The following NFKBIE variants were observed in gnomAD, a reference collection of about 807,000 sequenced individuals.
NFKBIE encodes NFKB inhibitor epsilon.
A neutral mutation model predicts 31.6 loss-of-function variants in NFKBIE; 11 were observed. That is an observed-to-expected ratio of 0.35 (90% CI 0.22 to 0.58). NFKBIE has a LOEUF of 0.58. Among genes scored for constraint, NFKBIE ranks in the 20% least tolerant of loss-of-function variants. The pLI is 0.83. For missense variants in NFKBIE, 354 were observed against 465.7 expected, an observed-to-expected ratio of 0.76 and a Z score of 2.21; for synonymous variants, 208 against 210.1, an observed-to-expected ratio of 0.99 and a Z score of 0.09.
intron 1 of NFKBIE, among the ~76,000 whole-genome samples, 157 bp downstream of exon 1, chr6:44,264,825 C>A (rs1782056726): frequency 6.6e-6 from 1 of 152,218 alleles, no homozygotes; most frequent in African/African-American, 2.4e-5. Context: ...CATGGCCTAG[C>A]TGGACCTCAA....
rs984686720 is a variant in NFKBIE, at chr6:44,263,939, G to A, written c.365+1043C>T. On this transcript the variant is annotated intron_variant, in intron 1 of 5. Transcript: ENST00000619360. The surrounding 1 kb of genome is among the most constrained non-coding windows in gnomAD (Gnocchi z 5.0). ...TCTTGCGTGCAGCCCCCAAAACCTTGGGGTTCTGGGCCTGAGGGCTGGTGA... is the reference window on the plus strand; with the variant it reads ...TCTTGCGTGCAGCCCCCAAAACCTTAGGGTTCTGGGCCTGAGGGCTGGTGA... 2.6e-5 allele frequency among the ~76,000 whole-genome samples: 4 copies of A among 152,132 alleles called. No individual in the cohort carries two copies. The highest frequency in any genetic ancestry group is 4.4e-5 in the Non-Finnish European group (3 of 68,018).
chr6:44,259,985 G>C (rs951239750), intron 5 of NFKBIE, 58 bp downstream of exon 5: 37 of 1,579,666 alleles, frequency 2.3e-5, no homozygotes, highest in Non-Finnish European at 2.9e-5. Context: ...GCTAATGACA[G>C]AACCTCTCTC....
Position 44,260,838 on chromosome 6 carries a change from CACACACACACACACACATACAG to C in NFKBIE, c.692-321_692-300del, listed in dbSNP as rs1305843739. Among the ~76,000 whole-genome samples, 269 of 82,446 alleles carry C rather than the reference CACACACACACACACACATACAG, an allele frequency of 3.3e-3. 1 individual carries two copies. The highest frequency in any genetic ancestry group is 0.011 in the African/African-American group (250 of 23,024). 54.1% of individuals were successfully genotyped at this position (82,446 alleles called of 152,430 possible). On this transcript the variant is annotated intron_variant, in intron 3 of 5. Transcript: ENST00000619360. This position sits in a 1 kb window ranked among gnomAD's most constrained non-coding sequence, Gnocchi z 5.5. ...ATACACAAACTACAACACACACACA[CACACACACACACACACATACAG>C]ACACACACACACACACACACACACA...
In NFKBIE at chr6:44,262,652, G is replaced by A. The variant is rs761768014; in HGVS notation, c.376C>T (p.Leu126=). Residue 126 remains leucine, a synonymous_variant, in exon 2 of 6, where the codon CTG becomes TTG. Coordinates refer to ENST00000619360, the MANE Select transcript of NFKBIE (RefSeq NM_004556.3). ...ISEDGDTLVH[L]AVIHEAPAVL... is the part of the protein sequence containing the mutation. The stretch of plus-strand genomic sequence containing the variant: ...GCTGGGGCCTCATGAATCACTGCCA[G>A]GTGGACCAGCCTAGGGGAGCAGAGG... The A allele has an allele frequency of 8.1e-6, 13 of 1,614,068 alleles. No individual in the cohort carries two copies. The highest frequency in any genetic ancestry group is 1.1e-5 in the Non-Finnish European group (13 of 1,179,912).
At position 44,260,864 on chromosome 6, in the gene NFKBIE, C is replaced by CACACACATACAG. The variant is rs1554142189; in HGVS notation, c.692-326_692-325insCTGTATGTGTGT. On this transcript the variant is annotated intron_variant, in intron 3 of 5. Transcript: ENST00000619360. The surrounding 1 kb of genome is among the most constrained non-coding windows in gnomAD (Gnocchi z 5.5). ...ACACACACACACACACATACAGACA[C>CACACACATACAG]ACACACACACACACACACACACACA... is the stretch of plus-strand genomic sequence containing the variant. 0.026 allele frequency among the ~76,000 whole-genome samples: 2,760 copies of CACACACATACAG among 106,570 alleles called. 28 individuals carry two copies. Among genetic ancestry groups the CACACACATACAG allele is most frequent in the Middle Eastern group, 0.051 (10 of 196 alleles). 69.9% of individuals were successfully genotyped at this position (106,570 alleles called of 152,430 possible). A position where few individuals can be genotyped will look rare whatever the true frequency, so the allele number is the denominator to read the frequency against.
In NFKBIE at chr6:44,261,303, T is replaced by C. The variant is rs1285892037; in HGVS notation, c.691+323A>G. 6.6e-6 allele frequency among the ~76,000 whole-genome samples: 1 copy of C among 152,212 alleles called. No homozygotes were observed. Among genetic ancestry groups the C allele is most frequent in the Non-Finnish European group, 1.5e-5 (1 of 68,022 alleles). ...TTTTGCACACAGATGCAAGTGTAGC[T>C]CCTAGGATAACGTCTGGCACATAGA... On this transcript the variant is annotated intron_variant, in intron 3 of 5. Transcript: ENST00000619360. The surrounding 1 kb of genome is among the most constrained non-coding windows in gnomAD (Gnocchi z 4.3).
chr6:44,262,441 C>T (rs931086118), intron 2 of NFKBIE, 119 bp downstream of exon 2: 52 of 819,004 alleles, frequency 6.3e-5, no homozygotes, highest in Non-Finnish European at 1.0e-4. Flanking sequence ...TCCTCAGTTT[C>T]TAGCTCAGTG....
Position 44,261,601 on chromosome 6 carries a change from G to C in NFKBIE, c.691+25C>G, listed in dbSNP as rs1192263028. 6 of 1,608,850 alleles carry C rather than the reference G, an allele frequency of 3.7e-6. No homozygotes were observed. Among genetic ancestry groups the C allele is most frequent in the Non-Finnish European group, 4.3e-6 (5 of 1,175,938 alleles). ...GCCCTCCTCATCCCACAGGCCCTAAGGGCAGTCTTAAAGACTGTCCACACC... is the reference window on the plus strand; with the variant it reads ...GCCCTCCTCATCCCACAGGCCCTAACGGCAGTCTTAAAGACTGTCCACACC... On this transcript the variant is annotated intron_variant, in intron 3 of 5. Transcript: ENST00000619360. This position sits in a 1 kb window ranked among gnomAD's most constrained non-coding sequence, Gnocchi z 4.3.
rs764696169 is a variant in NFKBIE at position 44,261,882 on chromosome 6, G to A, written c.469-34C>T. 1.6e-5 allele frequency: 25 copies of A among 1,563,936 alleles called. No homozygotes were observed. Among genetic ancestry groups the A allele is most frequent in the Non-Finnish European group, 2.2e-5 (25 of 1,151,356 alleles). ...ACAAATAGAGGGTCATGGGGCCACT[G>A]CAGCATGCTCCCACCTCTGGGAACA... is the stretch of plus-strand genomic sequence containing the variant. On this transcript the variant is annotated intron_variant, in intron 2 of 5. Transcript: ENST00000619360. The surrounding 1 kb of genome is among the most constrained non-coding windows in gnomAD (Gnocchi z 4.3).
Position 44,261,136 on chromosome 6 carries a change from C to T in NFKBIE, c.691+490G>A, listed in dbSNP as rs538144286. Among the ~76,000 whole-genome samples the T allele has an allele frequency of 1.6e-4, 25 of 152,222 alleles. No individual in the cohort carries two copies. Among genetic ancestry groups the T allele is most frequent in the Non-Finnish European group, 3.5e-4 (24 of 68,038 alleles). On this transcript the variant is annotated intron_variant, in intron 3 of 5. Transcript: ENST00000619360. This position sits in a 1 kb window ranked among gnomAD's most constrained non-coding sequence, Gnocchi z 4.3. ...CTCCATGAGGCCTTCCCGGACCACC[C>T]TATTTAACAATCATATCAACTCTCC...
chr6:44,264,411 C>T (rs1782037883), intron 1 of NFKBIE, among the ~76,000 whole-genome samples: 1 of 152,214 alleles, frequency 6.6e-6, no homozygotes, highest in Non-Finnish European at 1.5e-5. Flanking sequence ...CCCTCACTTC[C>T]CCTTTCTTAG....
chr6:44,261,592 A>C lies in NFKBIE; in HGVS notation c.691+34T>G. On this transcript the variant is annotated intron_variant, in intron 3 of 5. Coordinates refer to ENST00000619360, the MANE Select transcript of NFKBIE (RefSeq NM_004556.3). This position sits in a 1 kb window ranked among gnomAD's most constrained non-coding sequence, Gnocchi z 4.3. Reference sequence around the variant, plus strand: ...ATCTCCTATGCCCTCCTCATCCCACAGGCCCTAAGGGCAGTCTTAAAGACT... The same window carrying C: ...ATCTCCTATGCCCTCCTCATCCCACCGGCCCTAAGGGCAGTCTTAAAGACT... The C allele has an allele frequency of 1.9e-6, 3 of 1,600,646 alleles. No individual in the cohort carries two copies. The highest frequency in any genetic ancestry group is 2.6e-6 in the Non-Finnish European group (3 of 1,169,028).
intron 2 of NFKBIE, among the ~76,000 whole-genome samples, 177 bp from the exon 3 acceptor site, chr6:44,262,025 C>G (rs764463619): frequency 6.6e-6 from 1 of 152,202 alleles, no homozygotes; most frequent in Non-Finnish European, 1.5e-5. Flanking sequence ...ACCCCTCCCC[C>G]ACCAAGCTCT....
In NFKBIE at chr6:44,259,122, C is replaced by G. The variant is rs1313252688; in HGVS notation, c.*97G>C. 7.6e-7 allele frequency: 1 copy of G among 1,313,224 alleles called. No homozygotes were observed. Among genetic ancestry groups the G allele is most frequent in the African/African-American group, 1.5e-5 (1 of 68,880 alleles). The allele number at this position is 1,313,224 out of a possible 1,614,324, so 81.3% of individuals were successfully genotyped here. The stretch of plus-strand genomic sequence containing the variant: ...CTGGCCACAGCAGTCCCTAGGGCAC[C>G]AGAAGAGCACATAGCCTGGGCCCAA... On this transcript the variant is annotated 3_prime_UTR_variant, in exon 6 of 6. Transcript: ENST00000619360.
chr6:44,264,178 A>G (rs1157002382), intron 1 of NFKBIE, among the ~76,000 whole-genome samples: 4 of 151,828 alleles, frequency 2.6e-5, no homozygotes, highest in African/African-American at 7.3e-5. Flanking sequence ...CCAGTTCCCA[A>G]CCTTTCCCTC....
chr6:44,259,099 G>T lies in NFKBIE; in HGVS notation c.*120C>A. On this transcript the variant is annotated 3_prime_UTR_variant, in exon 6 of 6. Transcript: ENST00000619360. ...ACTGTACTGGCTGGCCCCAGGCTCT[G>T]GCCACAGCAGTCCCTAGGGCACCAG... 1 of 1,037,276 alleles carries T rather than the reference G, an allele frequency of 9.6e-7. No individual in the cohort carries two copies. The highest frequency in any genetic ancestry group is 1.5e-6 in the Non-Finnish European group (1 of 676,870). 64.3% of individuals were successfully genotyped at this position (1,037,276 alleles called of 1,614,324 possible). A position where few individuals can be genotyped will look rare whatever the true frequency, so the allele number is the denominator to read the frequency against.
At chr6:44,262,770 G>C (rs1781968554) in intron 1 of NFKBIE, 108 bp from the exon 2 acceptor site, 10 of 785,604 alleles carry the variant, frequency 1.3e-5, no homozygotes, top group Admixed American at 2.2e-5. Context: ...CTACCCATAG[G>C]GTAGGTCCAG....
rs1485518700 is a variant in NFKBIE, at chr6:44,265,101, C to T, written c.246G>A (p.Leu82=). 1 of 1,556,948 alleles carries T rather than the reference C, an allele frequency of 6.4e-7. No homozygotes were observed. The highest frequency in any genetic ancestry group is 2.0e-5 in the Admixed American group (1 of 51,202). Residue 82 remains leucine (L), a synonymous_variant, in exon 1 of 6, where the codon CTG becomes CTA. Transcript: ENST00000619360. ...TYGSSSLTYT[L]SLLGGPEAED... Reference sequence around the variant, plus strand: ...CAGCCTCGGGGCCCCCCAGCAAGGACAGGGTGTAGGTGAGCGAGGAGGAGC... The same window carrying T: ...CAGCCTCGGGGCCCCCCAGCAAGGATAGGGTGTAGGTGAGCGAGGAGGAGC...
Position 44,265,199 on chromosome 6 carries a change from G to C in NFKBIE, c.148C>G (p.His50Asp). 1 of 1,551,894 alleles carries C rather than the reference G, an allele frequency of 6.4e-7. No individual in the cohort carries two copies. Among genetic ancestry groups the C allele is most frequent in the South Asian group, 1.2e-5 (1 of 84,078 alleles). The change falls in exon 1 of 6, where the codon CAT (histidine) becomes GAT (aspartate). Residue 50 changes from histidine (H) to aspartate (D), a missense_variant. Transcript: ENST00000619360. ...PSDGSPQPCT[H>D]PPGPVKEPQE... ...GGTTCCTTGACGGGTCCCGGAGGAT[G>C]GGTGCAGGGCTGGGGGCTGCCGTCC...
Sources: gnomAD v4.1 joint callset for allele counts (sites outside exome capture counted in the v4.1 genomes callset) on GRCh38, gnomAD v4.1.1 for gene constraint, Gnocchi (gnomAD v3.1) non-coding constraint, MANE v1.5 for transcripts, NCBI Gene and HGNC (gene_info 2026-07-23, HGNC 2026-07-21) for gene names.